Variants in RAB40B observed in about 807,000 individuals in gnomAD.
The protein encoded by RAB40B is RAB40B, member RAS oncogene family.
In RAB40B, 21 loss-of-function variants were observed where a neutral mutation model predicts 24.0. The ratio of observed to expected loss-of-function variants is 0.88; its 90% confidence interval spans 0.62 to 1.26. The LOEUF is 1.26. Among genes scored for constraint, RAB40B ranks in the 50% most tolerant of loss-of-function variants. The pLI is 0.00. For missense variants in RAB40B, 348 were observed against 390.5 expected (o/e 0.89, Z 0.92); for synonymous variants, 167 against 169.8 (o/e 0.98, Z 0.13).
In RAB40B at chr17:82,663,994, GA is replaced by G. The variant is rs1180457645; in HGVS notation, c.203+501del. 2.1e-5 allele frequency among the ~76,000 whole-genome samples: 3 copies of G among 143,938 alleles called. No homozygotes were observed. The highest frequency in any genetic ancestry group is 4.6e-5 in the Non-Finnish European group (3 of 64,902). 94.4% of individuals were successfully genotyped at this position (143,938 alleles called of 152,430 possible). A position where few individuals can be genotyped will look rare whatever the true frequency, so the allele number is the denominator to read the frequency against. ...GGCGCTGTGCCGACGGTGGTGGTGG[GA>G]GGGTGTTCCCGGGGGCGCTGTGCCA... On this transcript the variant is annotated intron_variant, in intron 2 of 5. Coordinates refer to ENST00000571995, the MANE Select transcript of RAB40B (RefSeq NM_006822.3). This position sits in a 1 kb window ranked among gnomAD's most constrained non-coding sequence, Gnocchi z 6.2.
rs2046082030 is a variant in RAB40B, at chr17:82,655,728, C to T, written c.*2135G>A. 1 of 152,252 alleles carries T rather than the reference C, an allele frequency of 6.6e-6. No homozygotes were observed. Among genetic ancestry groups the T allele is most frequent in the Non-Finnish European group, 1.5e-5 (1 of 68,072 alleles). The allele number at this position is 152,252 out of a possible 1,614,324, so 9.4% of individuals were successfully genotyped here. A position where few individuals can be genotyped will look rare whatever the true frequency, so the allele number is the denominator to read the frequency against. On this transcript the variant is annotated 3_prime_UTR_variant, in exon 6 of 6. Coordinates refer to ENST00000571995, the MANE Select transcript of RAB40B (RefSeq NM_006822.3). ...TGCAGCGTGCCTGCACGAGGCTGGC[C>T]ACCCTCTCCAGACACTGTCCCCTCA...
At chr17:82,664,595 A>G in intron 1 of RAB40B, 39 bp from the exon 2 acceptor site, 1 of 1,589,298 alleles carries the variant, frequency 6.3e-7, no homozygotes, top group Non-Finnish European at 8.6e-7. Flanking sequence ...CTGAGGCTGC[A>G]GCTAACAGGA....
chr17:82,671,129 A>G (rs58514911), intron 1 of RAB40B, among the ~76,000 whole-genome samples: 3,703 of 151,352 alleles, frequency 0.024, 176 homozygotes, highest in African/African-American at 0.085. Flanking sequence ...TCACTGACAC[A>G]CCCCACCCCT....
At chr17:82,684,103 C>T (rs1336544667) in intron 1 of RAB40B, among the ~76,000 whole-genome samples, 3 of 151,542 alleles carry the variant, frequency 2.0e-5, no homozygotes, top group African/African-American at 4.9e-5. Context: ...CACCTGTAAT[C>T]CCAGCTACTC....
At chr17:82,685,309 C>T (rs2046487944) in intron 1 of RAB40B, among the ~76,000 whole-genome samples, 1 of 150,914 alleles carries the variant, frequency 6.6e-6, no homozygotes, top group Admixed American at 6.6e-5. Flanking sequence ...GGAGAAACAC[C>T]ACAGAAAGAG....
In RAB40B at chr17:82,692,940, A is replaced by C. The variant is rs2046573241; in HGVS notation, c.142+5515T>G. Among the ~76,000 whole-genome samples, 1 of 152,212 alleles carries C rather than the reference A, an allele frequency of 6.6e-6. No homozygotes were observed. The highest frequency in any genetic ancestry group is 1.5e-5 in the Non-Finnish European group (1 of 68,036). Reference sequence around the variant, plus strand: ...AAACACTCCTAGCAAGCATTGAAAGAAATTCAACCTAAATGAAAAAACAGA... The same window carrying C: ...AAACACTCCTAGCAAGCATTGAAAGCAATTCAACCTAAATGAAAAAACAGA... On this transcript the variant is annotated intron_variant, in intron 1 of 5. Coordinates refer to ENST00000571995, the MANE Select transcript of RAB40B (RefSeq NM_006822.3). The surrounding 1 kb of genome is among the most constrained non-coding windows in gnomAD (Gnocchi z 4.0).
rs142178404 is a variant in RAB40B, at chr17:82,698,471, C to A, written c.126G>T (p.Pro42=). 1.7e-5 allele frequency: 25 copies of A among 1,475,456 alleles called. No individual in the cohort carries two copies. In the African/African-American group the frequency reaches 2.9e-4, roughly 17 times the overall value. 91.4% of individuals were successfully genotyped at this position (1,475,456 alleles called of 1,614,324 possible). A position where few individuals can be genotyped will look rare whatever the true frequency, so the allele number is the denominator to read the frequency against. ...ASLQDGAAES[P]YGHPAGIDYK... The stretch of plus-strand genomic sequence containing the variant: ...CGCGCTCACCCGCCGGGTGGCCGTA[C>A]GGGGACTCGGCCGCGCCATCCTGCA... The change falls in exon 1 of 6, where the codon CCG becomes CCT. Residue 42 remains proline, a synonymous_variant. Coordinates refer to ENST00000571995, the MANE Select transcript of RAB40B (RefSeq NM_006822.3).
Position 82,657,730 on chromosome 17 carries a change from C to CG in RAB40B, c.*132dup. 9.2e-7 allele frequency: 1 copy of CG among 1,082,804 alleles called. No homozygotes were observed. The highest frequency in any genetic ancestry group is 1.2e-5 in the South Asian group (1 of 80,082). 67.1% of individuals were successfully genotyped at this position (1,082,804 alleles called of 1,614,324 possible). On this transcript the variant is annotated 3_prime_UTR_variant, in exon 6 of 6. Transcript: ENST00000571995. ...GACGGGGTAGTGTGTTTCCATCACACGGAAGGCGTCGCACACATTCGCAAG... is the reference window on the plus strand; with the variant it reads ...GACGGGGTAGTGTGTTTCCATCACACGGGAAGGCGTCGCACACATTCGCAAG...
chr17:82,679,336 C>T (rs2143523480), intron 1 of RAB40B, among the ~76,000 whole-genome samples: 1 of 151,476 alleles, frequency 6.6e-6, no homozygotes, highest in East Asian at 2.0e-4. Flanking sequence ...GGCTGGAGTG[C>T]AGTGGCGCAA....
rs534670423 is a variant in RAB40B at position 82,685,351 on chromosome 17, G to A, written c.142+13104C>T. ...CACGCAGTGGTCCTCAACTGTGGCC[G>A]TGCACTCAACTGAACGCAGATTCCT... On this transcript the variant is annotated intron_variant, in intron 1 of 5. Coordinates refer to ENST00000571995, the MANE Select transcript of RAB40B (RefSeq NM_006822.3). Among the ~76,000 whole-genome samples, 8 of 151,396 alleles carry A rather than the reference G, an allele frequency of 5.3e-5. No individual in the cohort carries two copies. The South Asian group carries it at 1.5e-3, about 27-fold the overall frequency.
chr17:82,698,240 G>T (rs1005591937), intron 1 of RAB40B, among the ~76,000 whole-genome samples: 1 of 151,828 alleles, frequency 6.6e-6, no homozygotes, highest in Non-Finnish European at 1.5e-5. Flanking sequence ...CCAGGGCCGG[G>T]CGGAGAAAGG....
chr17:82,677,226 C>T (rs1401560502), intron 1 of RAB40B, among the ~76,000 whole-genome samples: 6 of 152,194 alleles, frequency 3.9e-5, no homozygotes, highest in African/African-American at 9.6e-5. Flanking sequence ...GGATTACAGG[C>T]GTGAGCCACC....
At chr17:82,687,988 T>C (rs2244208) in intron 1 of RAB40B, among the ~76,000 whole-genome samples, 151,263 of 152,270 alleles carry the variant, frequency 0.99, 75,139 homozygotes, top group East Asian at 1. Context: ...GAGAGGACTG[T>C]TTGAGCCCAG....
chr17:82,679,518 T>C (rs1367020518), intron 1 of RAB40B, among the ~76,000 whole-genome samples: 4 of 151,840 alleles, frequency 2.6e-5, no homozygotes, highest in Non-Finnish European at 5.9e-5. Flanking sequence ...CCTGATCTTG[T>C]GATCCGCCTT....
At chr17:82,684,075 G>A (rs918179472) in intron 1 of RAB40B, among the ~76,000 whole-genome samples, 6 of 151,902 alleles carry the variant, frequency 3.9e-5, no homozygotes, top group African/African-American at 1.5e-4. Flanking sequence ...ACAAAAATTA[G>A]CTGGGTGTGG....
chr17:82,662,586 T>A (rs1194618402), intron 2 of RAB40B: 2 of 984,892 alleles, frequency 2.0e-6, no homozygotes, highest in African/African-American at 3.5e-5. Flanking sequence ...AGGACCACAC[T>A]CTGGGGTCCA....
chr17:82,691,371 C>A (rs2143554052), intron 1 of RAB40B, among the ~76,000 whole-genome samples: 1 of 152,162 alleles, frequency 6.6e-6, no homozygotes, highest in Non-Finnish European at 1.5e-5. Context: ...GTTAATCCAC[C>A]CCCCTCCCTG....
At position 82,698,457 on chromosome 17, in the gene RAB40B, G is replaced by A; in HGVS notation, c.140C>T (p.Ala47Val). ...GCACGCCCTCCGCCCGCGCTCACCC[G>A]CCGGGTGGCCGTACGGGGACTCGGC... is the stretch of plus-strand genomic sequence containing the variant. ...GAAESPYGHP[A>V]GIDYKTTTIL... The change falls in exon 1 of 6, where the codon GCG (alanine) becomes GTG (valine). Residue 47 changes from alanine to valine, a missense_variant and splice_region_variant. By Grantham distance (64) the Ala-to-Val change is moderately conservative. Transcript: ENST00000571995. 1.4e-6 allele frequency: 2 copies of A among 1,416,850 alleles called. No individual in the cohort carries two copies. The highest frequency in any genetic ancestry group is 9.3e-7 in the Non-Finnish European group (1 of 1,070,332). The allele number at this position is 1,416,850 out of a possible 1,614,324, so 87.8% of individuals were successfully genotyped here. A position where few individuals can be genotyped will look rare whatever the true frequency, so the allele number is the denominator to read the frequency against.
Position 82,657,776 on chromosome 17 carries a change from C to A in RAB40B, c.*87G>T, listed in dbSNP as rs774102898. ...GCAAGCAGCATTCGCCGAGAGGAAC[C>A]GGGATCTGAGATGCATCCACCAGCT... On this transcript the variant is annotated 3_prime_UTR_variant, in exon 6 of 6. Transcript: ENST00000571995. The A allele has an allele frequency of 6.8e-7, 1 of 1,472,276 alleles. No individual in the cohort carries two copies. The highest frequency in any genetic ancestry group is 9.5e-7 in the Non-Finnish European group (1 of 1,051,730). 91.2% of individuals were successfully genotyped at this position (1,472,276 alleles called of 1,614,324 possible). A position where few individuals can be genotyped will look rare whatever the true frequency, so the allele number is the denominator to read the frequency against.
Sources: allele counts gnomAD v4.1 joint callset (sites outside exome capture counted in the v4.1 genomes callset), GRCh38; gene constraint gnomAD v4.1.1; non-coding constraint Gnocchi (gnomAD v3.1); transcripts MANE v1.5; gene names NCBI Gene and HGNC (gene_info 2026-07-23, HGNC 2026-07-21).